The following MARCHF1 variants were observed in gnomAD, a reference collection of about 807,000 sequenced individuals.
The protein encoded by MARCHF1 is membrane associated ring-CH-type finger 1, also known as E3 ubiquitin-protein ligase MARCHF1.
A neutral mutation model predicts 54.2 loss-of-function variants in MARCHF1; 40 were observed. The ratio of observed to expected loss-of-function variants is 0.74; its 90% CI spans 0.57 to 0.96. The LOEUF (loss-of-function observed/expected upper bound fraction) is 0.96. Ranked by LOEUF, MARCHF1 falls within the 40% of genes least tolerant of loss-of-function variation. The pLI is 0.00. For missense variants in MARCHF1, 586 were observed against 656.5 expected (o/e 0.89, Z 1.17); for synonymous variants, 236 against 236.3 (o/e 1.00, Z 0.01).
chr4:163,633,275 G>C (rs1346168966), intron 5 of MARCHF1, among the ~76,000 whole-genome samples: 2 of 152,150 alleles, frequency 1.3e-5, no homozygotes, highest in Non-Finnish European at 1.5e-5. Flanking sequence ...AGAGAAGAAG[G>C]CTTCAGACGA....
chr4:164,061,009 A>G (rs760614495), intron 2 of MARCHF1, among the ~76,000 whole-genome samples: 65 of 152,198 alleles, frequency 4.3e-4, no homozygotes, highest in Non-Finnish European at 8.2e-4. Context: ...TGGTTGTGCC[A>G]TCACTTAGAA....
At chr4:163,873,893 C>G (rs986555751) in intron 3 of MARCHF1, among the ~76,000 whole-genome samples, 1 of 152,170 alleles carries the variant, frequency 6.6e-6, no homozygotes, top group African/African-American at 2.4e-5. Flanking sequence ...AATCGTACCC[C>G]TAAGAAAATG....
At chr4:163,795,299 G>A (rs1360071070) in intron 4 of MARCHF1, among the ~76,000 whole-genome samples, 11 of 151,946 alleles carry the variant, frequency 7.2e-5, no homozygotes, top group African/African-American at 2.7e-4. Context: ...GTGCAATCTT[G>A]GCTCACTGCA....
chr4:164,269,325 G>T lies in MARCHF1; in HGVS notation c.-323+114545C>A, dbSNP rs554206875. On this transcript the variant is annotated intron_variant, in intron 1 of 9. Coordinates refer to ENST00000514618, the MANE Select transcript of MARCHF1 (RefSeq NM_001394959.1). Reference sequence around the variant, plus strand: ...CCTATCATAAAAATTCCTCAAGACTGCAGCATTTCAGATAAGCCACCCTCA... The same window carrying T: ...CCTATCATAAAAATTCCTCAAGACTTCAGCATTTCAGATAAGCCACCCTCA... 4.3e-4 allele frequency among the ~76,000 whole-genome samples: 66 copies of T among 152,144 alleles called. No individual in the cohort carries two copies. The South Asian group carries it at 0.013, about 31-fold the overall frequency.
chr4:164,151,787 C>G (rs1729948999), intron 1 of MARCHF1, among the ~76,000 whole-genome samples: 2 of 152,136 alleles, frequency 1.3e-5, no homozygotes, highest in South Asian at 4.2e-4. Flanking sequence ...CCCACGCCCC[C>G]CCCAAAAAAA....
At chr4:163,932,132 C>T (rs1049934860) in intron 3 of MARCHF1, among the ~76,000 whole-genome samples, 8 of 150,820 alleles carry the variant, frequency 5.3e-5, no homozygotes, top group African/African-American at 1.9e-4. Flanking sequence ...AAAAAAAAAG[C>T]TAATGATTGC....
intron 1 of MARCHF1, among the ~76,000 whole-genome samples, chr4:164,370,824 CT>C (rs551500312): frequency 6.6e-6 from 1 of 152,272 alleles, no homozygotes; most frequent in South Asian, 2.1e-4. Flanking sequence ...AGGAGAATCT[CT>C]TGAGCCCGGG....
chr4:164,304,405 A>C (rs1734644421), intron 1 of MARCHF1, among the ~76,000 whole-genome samples: 1 of 152,196 alleles, frequency 6.6e-6, no homozygotes, highest in African/African-American at 2.4e-5. Flanking sequence ...ATAAATGAGA[A>C]GTCATGTACA....
intron 1 of MARCHF1, among the ~76,000 whole-genome samples, chr4:164,327,244 G>A (rs1691022229): frequency 6.6e-6 from 1 of 152,100 alleles, no homozygotes; most frequent in African/African-American, 2.4e-5. Context: ...GATATATGCA[G>A]TCTCCTGAGG....
At chr4:164,213,096 T>C (rs1265941053) in intron 1 of MARCHF1, among the ~76,000 whole-genome samples, 2 of 152,036 alleles carry the variant, frequency 1.3e-5, no homozygotes, top group African/African-American at 2.4e-5. Flanking sequence ...TGTGTGCTTA[T>C]GTCATATATG....
At chr4:164,303,620 T>G (rs1322604973) in intron 1 of MARCHF1, among the ~76,000 whole-genome samples, 1 of 152,192 alleles carries the variant, frequency 6.6e-6, no homozygotes, top group Admixed American at 6.5e-5. Context: ...GAAATTATAC[T>G]CATGCCATTA....
rs1398430784 is a variant in MARCHF1 at position 163,904,184 on chromosome 4, T to C, written c.-38-50015A>G. On this transcript the variant is annotated intron_variant, in intron 3 of 9. Coordinates refer to ENST00000514618, the MANE Select transcript of MARCHF1 (RefSeq NM_001394959.1). Reference sequence around the variant, plus strand: ...AATATAGCTTTGAGGCAAATCCCTATAGATGTAACCCATTTAAAATTAAGC... The same window carrying C: ...AATATAGCTTTGAGGCAAATCCCTACAGATGTAACCCATTTAAAATTAAGC... Among the ~76,000 whole-genome samples the C allele has an allele frequency of 2.0e-5, 3 of 152,134 alleles. No individual in the cohort carries two copies. In the East Asian group the frequency reaches 5.8e-4, roughly 29 times the overall value.
In MARCHF1 at chr4:164,274,821, C is replaced by T. The variant is rs865970673; in HGVS notation, c.-323+109049G>A. 8.5e-4 allele frequency among the ~76,000 whole-genome samples: 128 copies of T among 150,306 alleles called. 2 individuals are homozygous for T. The highest frequency in any genetic ancestry group is 3.5e-3 in the Middle Eastern group (1 of 288). ...CCTCCCGAGTAGCTGGGACTACAGG[C>T]GCCCGCCACTATGCCCTGCTAATTT... is the stretch of plus-strand genomic sequence containing the variant. On this transcript the variant is annotated intron_variant, in intron 1 of 9. Transcript: ENST00000514618.
At chr4:164,087,092 A>G (rs992936388) in intron 2 of MARCHF1, among the ~76,000 whole-genome samples, 3 of 152,106 alleles carry the variant, frequency 2.0e-5, no homozygotes, top group Admixed American at 2.0e-4. Context: ...GAGTTGCCAC[A>G]TGACTTTGCC....
At chr4:164,296,864 G>A (rs1734424520) in intron 1 of MARCHF1, among the ~76,000 whole-genome samples, 2 of 152,138 alleles carry the variant, frequency 1.3e-5, no homozygotes, top group Admixed American at 1.3e-4. Flanking sequence ...AGGAAAAAGA[G>A]TATGTGAAAA....
chr4:163,935,237 C>T (rs1751768040), intron 3 of MARCHF1, among the ~76,000 whole-genome samples: 2 of 152,138 alleles, frequency 1.3e-5, no homozygotes, highest in African/African-American at 4.8e-5. Flanking sequence ...AAGTTACCAG[C>T]TGCATTATCC....
At chr4:163,813,652 A>G (rs1397330649) in intron 4 of MARCHF1, among the ~76,000 whole-genome samples, 1 of 152,228 alleles carries the variant, frequency 6.6e-6, no homozygotes, top group Non-Finnish European at 1.5e-5. Context: ...ATTAAGCAGC[A>G]TCTGTCAAAA....
At position 163,984,941 on chromosome 4, in the gene MARCHF1, C is replaced by T. The variant is rs6847458; in HGVS notation, c.-39+3560G>A. ...GAACCATTTTGAAGAGGTATCTTCT[C>T]CCAAAGCTTTCCCGAGAATGTGGTT... On this transcript the variant is annotated intron_variant, in intron 3 of 9. Transcript: ENST00000514618. 9.4e-3 allele frequency among the ~76,000 whole-genome samples: 1,423 copies of T among 152,188 alleles called. 23 individuals carry two copies. Among genetic ancestry groups the T allele is most frequent in the African/African-American group, 0.032 (1,309 of 41,534 alleles).
chr4:163,998,273 C>T lies in MARCHF1; in HGVS notation c.-247-9564G>A, dbSNP rs17613119. On this transcript the variant is annotated intron_variant, in intron 2 of 9. Coordinates refer to ENST00000514618, the MANE Select transcript of MARCHF1 (RefSeq NM_001394959.1). ...AGTCTCATACATTAGAGCATTGTAA[C>T]AGTCATTCAGATTTTTAAAAACTTT... 8.5e-3 allele frequency among the ~76,000 whole-genome samples: 1,283 copies of T among 151,374 alleles called. 66 individuals are homozygous for T. The highest frequency in any genetic ancestry group is 0.063 in the East Asian group (324 of 5,144).
Sources: gnomAD v4.1 joint callset for allele counts (sites outside exome capture counted in the v4.1 genomes callset) on GRCh38, gnomAD v4.1.1 for gene constraint, MANE v1.5 for transcripts, NCBI Gene and HGNC (gene_info 2026-07-23, HGNC 2026-07-21) for gene names.